SEMA3D: variants seen among roughly 807,000 people sequenced by gnomAD.
SEMA3D encodes semaphorin-3D.
In SEMA3D, 84 loss-of-function variants were observed where a neutral mutation model predicts 100.1. The observed-to-expected ratio is 0.84, with a 90% CI of 0.70 to 1.01. The LOEUF is 1.01. SEMA3D is among the 50% of genes least tolerant of loss of function. The pLI is 0.00. For missense variants in SEMA3D, 875 were observed against 934.1 expected, an observed-to-expected ratio of 0.94 and a Z score of 0.82; for synonymous variants, 312 against 320.7, an observed-to-expected ratio of 0.97 and a Z score of 0.29.
chr7:85,035,290 ATATC>A (rs1790662643), intron 12 of SEMA3D, among the ~76,000 whole-genome samples: 1 of 151,508 alleles, frequency 6.6e-6, no homozygotes, highest in Admixed American at 6.6e-5. Context: ...ATATATGTAT[ATATC>A]TATATACAGG....
intron 2 of SEMA3D, chr7:85,142,865 G>C: frequency 1.0e-6 from 1 of 984,642 alleles, no homozygotes; most frequent in Non-Finnish European, 1.2e-6. Context: ...TTTCTTTTCT[G>C]AATATGTCTT....
intron 14 of SEMA3D, among the ~76,000 whole-genome samples, chr7:85,018,650 A>G (rs1372413593): frequency 6.6e-6 from 1 of 151,738 alleles, no homozygotes; most frequent in African/African-American, 2.4e-5. Context: ...CATCTCCATA[A>G]TTATTTATTA....
At chr7:85,120,654 G>A (rs180998382) in intron 3 of SEMA3D, among the ~76,000 whole-genome samples, 1 of 129,034 alleles carries the variant, frequency 7.7e-6, no homozygotes, top group East Asian at 2.3e-4. Flanking sequence ...GCAACAGAAT[G>A]AGACTTCATC....
At chr7:85,054,046 G>A (rs1791241371) in intron 9 of SEMA3D, among the ~76,000 whole-genome samples, 1 of 151,892 alleles carries the variant, frequency 6.6e-6, no homozygotes, top group South Asian at 2.1e-4. Flanking sequence ...GATGTTTAGA[G>A]AATAGGTTAT....
chr7:85,029,323 G>C, intron 12 of SEMA3D: 1 of 1,307,260 alleles, frequency 7.6e-7, no homozygotes, highest in Non-Finnish European at 1.1e-6. Context: ...CCAGGAAACT[G>C]AGAAGTACAA....
chr7:85,141,729 T>C, intron 2 of SEMA3D: 3 of 889,938 alleles, frequency 3.4e-6, no homozygotes, highest in Non-Finnish European at 4.0e-6. Context: ...AATAATGTTT[T>C]CTATTGAGAG....
chr7:85,212,290 G>T, the SEMA3D span, among the ~76,000 whole-genome samples: 1 of 152,056 alleles, frequency 6.6e-6, no homozygotes, highest in Non-Finnish European at 1.5e-5. Flanking sequence ...AGAAGGGCAG[G>T]AAAAATTCAA....
chr7:85,216,248 A>G, the SEMA3D span, among the ~76,000 whole-genome samples: 1 of 152,058 alleles, frequency 6.6e-6, no homozygotes, highest in African/African-American at 2.4e-5. Flanking sequence ...TTTCAGCCAA[A>G]TATTTAACTC....
intron 8 of SEMA3D, among the ~76,000 whole-genome samples, chr7:85,057,553 G>T (rs577940529): frequency 3.9e-5 from 6 of 152,180 alleles, no homozygotes; most frequent in Non-Finnish European, 7.3e-5. Context: ...GTGCGCCCCA[G>T]GTGTTATGAA....
chr7:85,088,333 C>T (rs956161755), intron 4 of SEMA3D, among the ~76,000 whole-genome samples: 1 of 152,140 alleles, frequency 6.6e-6, no homozygotes, highest in Non-Finnish European at 1.5e-5. Context: ...ATTTAATTGA[C>T]TCAAGTTAGC....
At chr7:85,131,812 T>G (rs369457999) in intron 2 of SEMA3D, among the ~76,000 whole-genome samples, 3 of 152,040 alleles carry the variant, frequency 2.0e-5, no homozygotes, top group African/African-American at 7.2e-5. Context: ...AGTGTTCTAG[T>G]CTCCATTCCC....
At chr7:85,029,934 CA>C (rs1790498958) in intron 12 of SEMA3D, among the ~76,000 whole-genome samples, 1 of 151,464 alleles carries the variant, frequency 6.6e-6, no homozygotes, top group Non-Finnish European at 1.5e-5. Flanking sequence ...AAGTTGGTAT[CA>C]AAAAAAGATT....
intron 3 of SEMA3D, 138 bp from the exon 4 acceptor site, chr7:85,098,103 GAAAGAGAA>G (rs933140966): frequency 3.6e-6 from 2 of 554,716 alleles, no homozygotes; most frequent in African/African-American, 3.9e-5. Flanking sequence ...AAGAAAGAAA[GAAAGAGAA>G]AGAAAGAAAG....
the SEMA3D span, among the ~76,000 whole-genome samples, chr7:85,218,701 T>C: frequency 1.3e-5 from 2 of 152,240 alleles, no homozygotes; most frequent in East Asian, 3.9e-4. Flanking sequence ...ATACAAATTG[T>C]AATATTGTAT....
At chr7:85,108,370 C>G (rs1259641834) in intron 3 of SEMA3D, among the ~76,000 whole-genome samples, 1 of 151,950 alleles carries the variant, frequency 6.6e-6, no homozygotes, top group Non-Finnish European at 1.5e-5. Context: ...AGTTAATGTG[C>G]TATTTAGAGA....
the SEMA3D span, among the ~76,000 whole-genome samples, chr7:85,243,993 A>C: frequency 6.6e-6 from 1 of 152,136 alleles, no homozygotes; most frequent in Admixed American, 6.6e-5. Flanking sequence ...ATCTTGTTTA[A>C]GTATCTGATA....
intron 12 of SEMA3D, chr7:85,029,590 A>G: frequency 2.0e-6 from 1 of 492,362 alleles, no homozygotes; most frequent in Admixed American, 2.9e-5. Context: ...AAACTGGACT[A>G]GAGTGCAGAA....
At chr7:85,243,416 G>A in the SEMA3D span, among the ~76,000 whole-genome samples, 44 of 152,136 alleles carry the variant, frequency 2.9e-4, no homozygotes, top group African/African-American at 7.2e-4. Flanking sequence ...TGTCGATTCC[G>A]GTACTGGTTT....
At chr7:85,177,251 G>T (rs146931669) in intron 1 of SEMA3D, among the ~76,000 whole-genome samples, 14 of 152,224 alleles carry the variant, frequency 9.2e-5, no homozygotes, top group African/African-American at 2.9e-4. Flanking sequence ...AGCCATATTT[G>T]CTGGCCACTC....
Sources: gnomAD v4.1 joint callset for allele counts (sites outside exome capture counted in the v4.1 genomes callset) on GRCh38, gnomAD v4.1.1 for gene constraint, MANE v1.5 for transcripts, NCBI Gene and HGNC (gene_info 2026-07-23, HGNC 2026-07-21) for gene names.